The following PXDNL variants were observed in gnomAD, a reference collection of about 807,000 sequenced individuals.
The protein encoded by PXDNL is probable oxidoreductase PXDNL.
In PXDNL, 145 loss-of-function variants were observed where a neutral mutation model predicts 150.8. The ratio of observed to expected loss-of-function variants is 0.96; its 90% CI spans 0.84 to 1.10. The LOEUF (loss-of-function observed/expected upper bound fraction) is 1.10, where lower values mean the gene tolerates loss of function less well. Among genes scored for constraint, PXDNL ranks in the 50% least tolerant of loss-of-function variants. The pLI, the probability that PXDNL is intolerant of heterozygous loss-of-function variation, is 0.00. For synonymous variants in PXDNL, 757 were observed against 725.7 expected (o/e 1.04, Z -0.69); for missense variants, 2,087 against 1,873.9 (o/e 1.11, Z -2.10).
intron 1 of PXDNL, among the ~76,000 whole-genome samples, chr8:51,687,400 G>C (rs1815900545): frequency 6.6e-6 from 1 of 152,212 alleles, no homozygotes; most frequent in Admixed American, 6.5e-5. Flanking sequence ...TATGTCTATA[G>C]TCATTATCTC....
chr8:51,514,224 G>C (rs1220162960), intron 4 of PXDNL, among the ~76,000 whole-genome samples: 2 of 152,112 alleles, frequency 1.3e-5, no homozygotes, highest in Non-Finnish European at 2.9e-5. Flanking sequence ...AACATTTAGA[G>C]GATAATAGGG....
Position 51,659,992 on chromosome 8 carries a change from C to T in PXDNL, c.165-5232G>A, listed in dbSNP as rs1368471042. On this transcript the variant is annotated intron_variant, in intron 1 of 22. Coordinates refer to ENST00000356297, the MANE Select transcript of PXDNL (RefSeq NM_144651.5). ...TGCAACCTCCACCTCCGAGTTCAAG[C>T]GATTCTCCTGCCTTAGCCCCCTGAG... Among the ~76,000 whole-genome samples the T allele has an allele frequency of 1.5e-4, 23 of 151,804 alleles. 1 individual carries two copies. The highest frequency in any genetic ancestry group is 1.5e-3 in the Admixed American group (23 of 15,208).
At chr8:51,475,447 G>A (rs902795373) in intron 6 of PXDNL, among the ~76,000 whole-genome samples, 7 of 152,064 alleles carry the variant, frequency 4.6e-5, no homozygotes, top group African/African-American at 1.7e-4. Flanking sequence ...ATCCTTATTT[G>A]TTTCAGAGAA....
intron 17 of PXDNL, among the ~76,000 whole-genome samples, chr8:51,403,351 G>A (rs965182218): frequency 7.2e-5 from 11 of 152,272 alleles, no homozygotes; most frequent in East Asian, 3.9e-4. Flanking sequence ...TCTGACAGCA[G>A]TGAACTCTGA....
intron 17 of PXDNL, among the ~76,000 whole-genome samples, chr8:51,396,019 C>G (rs979277873): frequency 6.6e-6 from 1 of 152,208 alleles, no homozygotes; most frequent in African/African-American, 2.4e-5. Flanking sequence ...ACTTACACCT[C>G]TCTTGCTACA....
At chr8:51,792,482 A>T (rs1015543676) in intron 1 of PXDNL, among the ~76,000 whole-genome samples, 7 of 152,214 alleles carry the variant, frequency 4.6e-5, no homozygotes, top group African/African-American at 1.7e-4. Context: ...AGCTGTGCAG[A>T]TTCTCAGCAA....
chr8:51,712,100 C>A (rs1816514459), intron 1 of PXDNL, among the ~76,000 whole-genome samples: 1 of 152,014 alleles, frequency 6.6e-6, no homozygotes, highest in African/African-American at 2.4e-5. Flanking sequence ...AGGAGAGAGA[C>A]AAGGAAGCAA....
At chr8:51,610,002 T>G (rs1813964051) in intron 2 of PXDNL, among the ~76,000 whole-genome samples, 1 of 149,010 alleles carries the variant, frequency 6.7e-6, no homozygotes, top group African/African-American at 2.5e-5. Flanking sequence ...CAAGGTCACA[T>G]GTTACTGGCC....
chr8:51,320,907 G>T lies in PXDNL; in HGVS notation c.4147-10C>A. ...CCTCCAGCTTGTTTATCTGAAAGGG[G>T]AGGCAAAGGAAAGAAGAGTGGAAAT... On this transcript the variant is annotated splice_polypyrimidine_tract_variant and intron_variant, in intron 21 of 22. Transcript: ENST00000356297. The T allele has an allele frequency of 6.3e-7, 1 of 1,597,562 alleles. No homozygotes were observed. Among genetic ancestry groups the T allele is most frequent in the South Asian group, 1.1e-5 (1 of 90,588 alleles).
intron 1 of PXDNL, among the ~76,000 whole-genome samples, chr8:51,708,801 G>T (rs1400173221): frequency 1.3e-5 from 2 of 152,080 alleles, no homozygotes; most frequent in East Asian, 2.0e-4. Flanking sequence ...CTAAACCTGT[G>T]TTCCATAGGA....
rs187071760 is a variant in PXDNL, at chr8:51,552,628, G to A, written c.380+4212C>T. 1.8e-3 allele frequency among the ~76,000 whole-genome samples: 278 copies of A among 152,278 alleles called. 1 individual carries two copies. Among genetic ancestry groups the A allele is most frequent in the Middle Eastern group, 6.8e-3 (2 of 294 alleles). Reference sequence around the variant, plus strand: ...TTCTCATAAGTGCGAACTAAGCTATGAGGATGCAAAGGCATTAGAATTATA... The same window carrying A: ...TTCTCATAAGTGCGAACTAAGCTATAAGGATGCAAAGGCATTAGAATTATA... On this transcript the variant is annotated intron_variant, in intron 4 of 22. Coordinates refer to ENST00000356297, the MANE Select transcript of PXDNL (RefSeq NM_144651.5).
At chr8:51,373,645 G>T (rs1010965894) in intron 18 of PXDNL, among the ~76,000 whole-genome samples, 1 of 152,084 alleles carries the variant, frequency 6.6e-6, no homozygotes, top group Non-Finnish European at 1.5e-5. Flanking sequence ...ATTTGTAAAG[G>T]GAAGGGATTT....
chr8:51,393,748 G>A (rs952489442), intron 17 of PXDNL, among the ~76,000 whole-genome samples: 1 of 152,190 alleles, frequency 6.6e-6, no homozygotes, highest in Admixed American at 6.5e-5. Context: ...GTGGAAAAGG[G>A]AATAGGAGAG....
chr8:51,604,387 A>G (rs1437017359), intron 2 of PXDNL, among the ~76,000 whole-genome samples: 3 of 152,204 alleles, frequency 2.0e-5, no homozygotes, highest in Non-Finnish European at 4.4e-5. Context: ...TTCTCAGCAA[A>G]CTATCGCAAG....
In PXDNL at chr8:51,585,865, T is replaced by C. The variant is rs377511067; in HGVS notation, c.308+6762A>G. Among the ~76,000 whole-genome samples, 6 of 151,654 alleles carry C rather than the reference T, an allele frequency of 4.0e-5. 1 individual carries two copies. In the South Asian group the frequency reaches 6.2e-4, roughly 16 times the overall value. On this transcript the variant is annotated intron_variant, in intron 3 of 22. Transcript: ENST00000356297. ...TCAAGACCAACCTGCCACCCACCCC[T>C]TGTGGCTCTCCAGATAGATATGGCC...
intron 1 of PXDNL, among the ~76,000 whole-genome samples, chr8:51,738,922 G>A (rs997228890): frequency 2.0e-5 from 3 of 149,108 alleles, no homozygotes; most frequent in African/African-American, 7.7e-5. Flanking sequence ...AAAATTAGTC[G>A]AAAATAGTAC....
intron 2 of PXDNL, among the ~76,000 whole-genome samples, chr8:51,623,008 C>G (rs1167053300): frequency 3.3e-5 from 5 of 152,228 alleles, no homozygotes; most frequent in Non-Finnish European, 7.3e-5. Flanking sequence ...TGTTCAAAAC[C>G]TGCTCTGCTC....
intron 1 of PXDNL, among the ~76,000 whole-genome samples, chr8:51,656,095 G>A (rs577976875): frequency 3.3e-5 from 5 of 152,108 alleles, no homozygotes; most frequent in Admixed American, 2.6e-4. Context: ...TTTATAGGGC[G>A]CTAGAATGGC....
intron 2 of PXDNL, among the ~76,000 whole-genome samples, chr8:51,596,793 T>C (rs1813577511): frequency 1.3e-5 from 2 of 152,192 alleles, no homozygotes. Context: ...TCCTTAAAGA[T>C]CCTAGATAGT....
Sources: gnomAD v4.1 joint callset for allele counts (sites outside exome capture counted in the v4.1 genomes callset) on GRCh38, gnomAD v4.1.1 for gene constraint, MANE v1.5 for transcripts, NCBI Gene and HGNC (gene_info 2026-07-23, HGNC 2026-07-21) for gene names.